Variants in TMC5 observed in about 807,000 individuals in gnomAD.
TMC5 encodes transmembrane channel-like protein 5.
In TMC5, 86 loss-of-function variants were observed where a neutral mutation model predicts 110.5. That is an observed-to-expected ratio of 0.78 (90% confidence interval 0.65 to 0.93). The LOEUF is 0.93. TMC5 is among the 40% of genes least tolerant of loss of function. The pLI, the probability that TMC5 is intolerant of heterozygous loss-of-function variation, is 0.00. For missense variants in TMC5, 1,144 were observed against 1,222.8 expected (o/e 0.94, Z 0.96); for synonymous variants, 455 against 439.5 (o/e 1.04, Z -0.44).
At chr16:19,468,984 C>CTCA (rs745369834) in intron 9 of TMC5, among the ~76,000 whole-genome samples, 2 of 152,014 alleles carry the variant, frequency 1.3e-5, no homozygotes, top group Non-Finnish European at 2.9e-5. Context: ...ACAGCAAGAC[C>CTCA]TCATCCCTAA....
intron 8 of TMC5, among the ~76,000 whole-genome samples, chr16:19,465,009 TTCTTTCTTTCTTTCTTTC>T (rs899318835): frequency 7.1e-5 from 2 of 27,988 alleles, no homozygotes; most frequent in African/African-American, 1.5e-4. Flanking sequence ...TTGTCTTTCT[TTCTTTCTTTCTTTCTTTC>T]TTTCTTTCTT....
intron 5 of TMC5, among the ~76,000 whole-genome samples, chr16:19,452,724 G>A (rs1967778458): frequency 6.6e-6 from 1 of 152,130 alleles, no homozygotes; most frequent in African/African-American, 2.4e-5. Flanking sequence ...CCAGAAAGCT[G>A]TGTCTGTTCA....
rs773021330 is a variant in TMC5 at position 19,481,407 on chromosome 16, C to G, written c.2305C>G (p.Gln769Glu). ...GMQLITSLGL[Q>E]EFDIARNVLE... The stretch of plus-strand genomic sequence containing the variant: ...GCAACTGATCACAAGTCTTGGCCTT[C>G]AGGAGTTTGACATTGCCAGGAACGT... The change falls in exon 15 of 22, where the codon CAG (glutamine) becomes GAG (glutamate). Residue 769 changes from glutamine (Q) to glutamate (E), a missense_variant. Coordinates refer to ENST00000542583, the MANE Select transcript of TMC5 (RefSeq NM_001261841.2). The G allele has an allele frequency of 1.9e-6, 3 of 1,614,098 alleles. No homozygotes were observed. Among genetic ancestry groups the G allele is most frequent in the Non-Finnish European group, 2.5e-6 (3 of 1,179,970 alleles).
At chr16:19,417,158 C>A (rs911400158), upstream of TMC5, among the ~76,000 whole-genome samples, 3 of 150,350 alleles carry the variant, frequency 2.0e-5, no homozygotes, top group Admixed American at 6.7e-5. Flanking sequence ...GTGGCTTACG[C>A]CTGTAATCTC....
rs556420952 is a variant in TMC5, at chr16:19,491,517, T to A, written c.2748-633T>A. Among the ~76,000 whole-genome samples the A allele has an allele frequency of 4.7e-3, 693 of 148,760 alleles. 4 individuals are homozygous for A. Among genetic ancestry groups the A allele is most frequent in the Non-Finnish European group, 5.6e-3 (377 of 67,522 alleles). On this transcript the variant is annotated intron_variant, in intron 18 of 21. Coordinates refer to ENST00000542583, the MANE Select transcript of TMC5 (RefSeq NM_001261841.2). ...AAGGGGGGAAAGGTTATATATACTA[T>A]CTTCTTGTCTTAGGGATTTTTTTTT... is the stretch of plus-strand genomic sequence containing the variant.
Position 19,465,256 on chromosome 16 carries a change from G to A in TMC5, c.1486-826G>A, listed in dbSNP as rs536640545. On this transcript the variant is annotated intron_variant, in intron 8 of 21. Coordinates refer to ENST00000542583, the MANE Select transcript of TMC5 (RefSeq NM_001261841.2). The stretch of plus-strand genomic sequence containing the variant: ...CTCTATTAATCTAAAATAATCAGCC[G>A]GGTACGGTGGCTCACTCCTGTAATC... 5.3e-5 allele frequency among the ~76,000 whole-genome samples: 8 copies of A among 152,004 alleles called. No homozygotes were observed. In the South Asian group the frequency reaches 1.2e-3, roughly 24 times the overall value.
intron 6 of TMC5, among the ~76,000 whole-genome samples, chr16:19,462,820 C>T (rs1221097951): frequency 1.3e-5 from 2 of 151,658 alleles, no homozygotes; most frequent in East Asian, 1.9e-4. Context: ...ATCGCTTGAA[C>T]CTGGGAGGCA....
rs763560443 is a variant in TMC5, at chr16:19,463,249, A to G, written c.1149-31A>G. Reference sequence around the variant, plus strand: ...TGAATGAATGAGTTGCAACATTTGTATCTCTCATTTTCTCTTGCTGTTCCC... The same window carrying G: ...TGAATGAATGAGTTGCAACATTTGTGTCTCTCATTTTCTCTTGCTGTTCCC... On this transcript the variant is annotated intron_variant, in intron 6 of 21. Coordinates refer to ENST00000542583, the MANE Select transcript of TMC5 (RefSeq NM_001261841.2). 5 of 1,516,708 alleles carry G rather than the reference A, an allele frequency of 3.3e-6. No individual in the cohort carries two copies. The Admixed American group carries it at 6.7e-5, about 20-fold the overall frequency. 94.0% of individuals were successfully genotyped at this position (1,516,708 alleles called of 1,614,324 possible). A position where few individuals can be genotyped will look rare whatever the true frequency, so the allele number is the denominator to read the frequency against.
chr16:19,477,823 A>G (rs1211262741), intron 13 of TMC5, among the ~76,000 whole-genome samples: 2 of 152,200 alleles, frequency 1.3e-5, no homozygotes, highest in Admixed American at 6.5e-5. Flanking sequence ...CATGTGTAGT[A>G]TAAGTTCAGT....
intron 11 of TMC5, 74 bp from the exon 12 acceptor site, chr16:19,474,051 G>C (rs1015158948): frequency 2.1e-6 from 3 of 1,444,162 alleles, no homozygotes; most frequent in Non-Finnish European, 2.8e-6. Flanking sequence ...TTCTATCATG[G>C]GAGACTTTTG....
In TMC5 at chr16:19,472,372, C is replaced by T. The variant is rs1017543414; in HGVS notation, c.1938+129C>T. The T allele has an allele frequency of 4.6e-6, 5 of 1,081,500 alleles. No individual in the cohort carries two copies. The African/African-American group carries it at 7.9e-5, about 17-fold the overall frequency. The allele number at this position is 1,081,500 out of a possible 1,614,324, so 67.0% of individuals were successfully genotyped here. A position where few individuals can be genotyped will look rare whatever the true frequency, so the allele number is the denominator to read the frequency against. ...CAGCAGCATCAGCACTAGCAGAGAA[C>T]TTGTTAAAAATGCAGGGGTGAGGCA... On this transcript the variant is annotated intron_variant, in intron 11 of 21. Transcript: ENST00000542583.
chr16:19,435,878 A>G (rs576694305), intron 2 of TMC5, among the ~76,000 whole-genome samples: 8 of 152,368 alleles, frequency 5.3e-5, no homozygotes, highest in Non-Finnish European at 1.0e-4. Context: ...GCCTCTCTGT[A>G]GTATTTCATG....
rs866704826 is a variant in TMC5, at chr16:19,487,249, G to A, written c.2496G>A (p.Met832Ile). ...GCAAAGCCTGGCGGGCCTCACAGAT[G>A]ATGACTTTCTTCATCTTCTTGCTCT... ...PPSKAWRASQ[M>I]MTFFIFLLFF... is the part of the protein sequence containing the mutation. The change falls in exon 17 of 22, where the codon ATG (methionine) becomes ATA (isoleucine). Residue 832 changes from methionine to isoleucine, a missense_variant. Met to Ile is a conservative substitution (Grantham distance 10). Coordinates refer to ENST00000542583, the MANE Select transcript of TMC5 (RefSeq NM_001261841.2). 2 of 1,614,146 alleles carry A rather than the reference G, an allele frequency of 1.2e-6. No individual in the cohort carries two copies. Among genetic ancestry groups the A allele is most frequent in the Non-Finnish European group, 8.5e-7 (1 of 1,180,018 alleles).
In TMC5 at chr16:19,474,108, T is replaced by C; in HGVS notation, c.1939-17T>C. On this transcript the variant is annotated splice_polypyrimidine_tract_variant and intron_variant, in intron 11 of 21. Transcript: ENST00000542583. Reference sequence around the variant, plus strand: ...GTGTACAAGTCAGCCCTCCGTTCTCTCCCCCATCCCCTGCAGTTCCTGAAG... The same window carrying C: ...GTGTACAAGTCAGCCCTCCGTTCTCCCCCCCATCCCCTGCAGTTCCTGAAG... The C allele has an allele frequency of 1.9e-6, 3 of 1,611,530 alleles. No individual in the cohort carries two copies. Among genetic ancestry groups the C allele is most frequent in the African/African-American group, 1.3e-5 (1 of 74,968 alleles).
At chr16:19,484,392 T>C (rs1968687771) in intron 15 of TMC5, among the ~76,000 whole-genome samples, 1 of 152,234 alleles carries the variant, frequency 6.6e-6, no homozygotes, top group South Asian at 2.1e-4. Flanking sequence ...AGGATGCCAT[T>C]GGGCAAGTTA....
intron 2 of TMC5, among the ~76,000 whole-genome samples, chr16:19,432,577 G>A (rs1403425311): frequency 6.6e-6 from 1 of 152,298 alleles, no homozygotes; most frequent in East Asian, 1.9e-4. Context: ...TGTGACATCA[G>A]TGTGAGAGAC....
intron 3 of TMC5, 73 bp from the exon 4 acceptor site, chr16:19,444,005 ATGG>A: frequency 9.0e-7 from 1 of 1,109,960 alleles, no homozygotes; most frequent in Non-Finnish European, 1.2e-6. Context: ...GAATGGATGG[ATGG>A]ATGGATGGAT....
chr16:19,457,598 T>TTGAGG (rs1158758220), intron 5 of TMC5, among the ~76,000 whole-genome samples: 1 of 151,676 alleles, frequency 6.6e-6, no homozygotes, highest in Non-Finnish European at 1.5e-5. Flanking sequence ...CTCCACACCT[T>TTGAGG]TGAGGTGGCA....
At chr16:19,434,397 T>TCATATAGATCTATATATAATATAG (rs1335064611) in intron 2 of TMC5, among the ~76,000 whole-genome samples, 2 of 41,822 alleles carry the variant, frequency 4.8e-5, no homozygotes, top group Admixed American at 4.4e-4. Flanking sequence ...ATAGATATAA[T>TCATATAGATCTATATATAATATAG]ATATATATCA....
Sources: allele counts gnomAD v4.1 joint callset (sites outside exome capture counted in the v4.1 genomes callset), GRCh38; gene constraint gnomAD v4.1.1; transcripts MANE v1.5; gene names NCBI Gene and HGNC (gene_info 2026-07-23, HGNC 2026-07-21).